Variants in CHD4 observed in about 807,000 individuals in gnomAD.
The protein encoded by CHD4 is chromodomain helicase DNA binding protein 4.
A neutral mutation model predicts 235.5 loss-of-function variants in CHD4; 35 were observed. That is an observed-to-expected ratio of 0.15 (90% CI 0.11 to 0.20). The LOEUF is 0.20. Among genes scored for constraint, CHD4 ranks in the 10% least tolerant of loss-of-function variants. The pLI, the probability that CHD4 is intolerant of heterozygous loss-of-function variation, is 1.00. For synonymous variants in CHD4, 900 were observed against 850.2 expected (o/e 1.06, Z -1.02); for missense variants, 1,329 against 2,432.3 (o/e 0.55, Z 9.54).
chr12:6,587,998 A>G (rs764425345), intron 23 of CHD4, 49 bp from the exon 24 acceptor site: 60 of 1,539,978 alleles, frequency 3.9e-5, no homozygotes, highest in Non-Finnish European at 4.8e-5. Flanking sequence ...TCCTGGTGCC[A>G]CTCTTATCCT....
Position 6,577,876 on chromosome 12 carries a change from C to T in CHD4, c.5270G>A (p.Arg1757His), listed in dbSNP as rs761984548. 18 of 1,614,058 alleles carry T rather than the reference C, an allele frequency of 1.1e-5. No homozygotes were observed. The highest frequency in any genetic ancestry group is 1.4e-5 in the Non-Finnish European group (17 of 1,180,044). Residue 1757 changes from arginine to histidine, a missense_variant, in exon 37 of 40, where the codon CGC (arginine) becomes CAC (histidine). Transcript: ENST00000544040. ...ARWQDIQNDP[R>H]YAILNEPFKG... ...GAAAGGCTCATTGAGGATGGCATAG[C>T]GTGGGTCATTCTGGATGTCTTGCCA...
chr12:6,591,785 G>A lies in CHD4; in HGVS notation c.3131C>T (p.Ala1044Val). 1 of 1,614,192 alleles carries A rather than the reference G, an allele frequency of 6.2e-7. No individual in the cohort carries two copies. The highest frequency in any genetic ancestry group is 8.5e-7 in the Non-Finnish European group (1 of 1,180,050). The change falls in exon 21 of 40, where the codon GCC becomes GTC. Residue 1044 changes from alanine to valine, a missense_variant. Physicochemically the swap from Ala to Val is moderately conservative, Grantham distance 64 (BLOSUM62 0). Transcript: ENST00000544040. ...TAATTTCCCAGATGCTCTGATTAGG[G>A]CACTGCCATCATACATGCCATTAGG... is the stretch of plus-strand genomic sequence containing the variant. Reference protein sequence around the residue: ...KMPNGMYDGSALIRASGKLLL... With the variant: ...KMPNGMYDGSVLIRASGKLLL...
In CHD4 at chr12:6,582,835, G is replaced by C. The variant is rs752786970; in HGVS notation, c.4236+13C>G. The C allele has an allele frequency of 4.3e-6, 7 of 1,613,840 alleles. No individual in the cohort carries two copies. The Admixed American group carries it at 1.2e-4, about 27-fold the overall frequency. ...CTGACACTCACCCCTCCTTAGAATC[G>C]TATGGCACTTACTTCAATATTCCCA... On this transcript the variant is annotated intron_variant, in intron 28 of 39. Coordinates refer to ENST00000544040, the MANE Select transcript of CHD4 (RefSeq NM_001273.5).
intron 2 of CHD4, 33 bp from the exon 3 acceptor site, chr12:6,602,530 G>A (rs762883120): frequency 3.1e-6 from 5 of 1,606,382 alleles, no homozygotes; most frequent in Middle Eastern, 3.3e-4. Flanking sequence ...GGTAGGCAGG[G>A]AAAAGATCAA....
At position 6,583,083 on chromosome 12, in the gene CHD4, G is replaced by C; in HGVS notation, c.4091C>G (p.Ser1364Cys). The C allele has an allele frequency of 6.3e-7, 1 of 1,581,418 alleles. No homozygotes were observed. The highest frequency in any genetic ancestry group is 8.6e-7 in the Non-Finnish European group (1 of 1,163,622). Residue 1364 changes from serine to cysteine, a missense_variant, in exon 27 of 40, where the codon TCC (serine) becomes TGC (cysteine). Physicochemically the swap from Ser to Cys is moderately radical, Grantham distance 112. Around this residue, in one of 26 missense-constraint regions of CHD4, gnomAD observed 46 missense variants for 85.6 expected, o/e 0.54. Transcript: ENST00000544040. ...DWQDDQSDNQSDYSVASEEGD... is the reference protein window; with the variant it reads ...DWQDDQSDNQCDYSVASEEGD... ...TTCCTCTGAAGCCACTGAGTAATCG[G>C]ACTGGTTGTCGGACTGGTCGTCCTG...
At chr12:6,599,072 A>G in intron 10 of CHD4, among the ~76,000 whole-genome samples, 1 of 152,230 alleles carries the variant, frequency 6.6e-6, no homozygotes, top group East Asian at 1.9e-4. Context: ...AACAATCAGG[A>G]AATCAACAGA....
chr12:6,598,499 T>G (rs1948536750), intron 10 of CHD4, 74 bp from the exon 11 acceptor site: 15 of 1,237,802 alleles, frequency 1.2e-5, no homozygotes, highest in Non-Finnish European at 1.5e-5. Context: ...AGTCTCAACT[T>G]CATCAAAGGA....
intron 38 of CHD4, chr12:6,571,357 C>T: frequency 7.2e-6 from 2 of 276,734 alleles, no homozygotes; most frequent in Non-Finnish European, 1.4e-5. Flanking sequence ...GCATTCTTTT[C>T]CTTATTTCAC....
In CHD4 at chr12:6,591,778, G is replaced by A. The variant is rs1948405726; in HGVS notation, c.3138C>T (p.Ile1046=). 1.9e-6 allele frequency: 3 copies of A among 1,614,190 alleles called. No homozygotes were observed. Among genetic ancestry groups the A allele is most frequent in the Non-Finnish European group, 1.7e-6 (2 of 1,180,040 alleles). ...PNGMYDGSAL[I]RASGKLLLLQ... ...GCAGCAATAATTTCCCAGATGCTCT[G>A]ATTAGGGCACTGCCATCATACATGC... The change falls in exon 21 of 40, where the codon ATC becomes ATT. Residue 1046 remains isoleucine (I), a synonymous_variant. Coordinates refer to ENST00000544040, the MANE Select transcript of CHD4 (RefSeq NM_001273.5).
At position 6,606,419 on chromosome 12, in the gene CHD4, G is replaced by A. The variant is rs769326957; in HGVS notation, c.-46C>T. 14 of 1,386,776 alleles carry A rather than the reference G, an allele frequency of 1.0e-5. No homozygotes were observed. Among genetic ancestry groups the A allele is most frequent in the Admixed American group, 2.1e-5 (1 of 46,590 alleles). 85.9% of individuals were successfully genotyped at this position (1,386,776 alleles called of 1,614,324 possible). Reference sequence around the variant, plus strand: ...GGAATTGGCCCAGCTGCTCCTGCCGGCGGCCTGAGGACCTCTACACTGGCC... The same window carrying A: ...GGAATTGGCCCAGCTGCTCCTGCCGACGGCCTGAGGACCTCTACACTGGCC... On this transcript the variant is annotated 5_prime_UTR_variant, in exon 2 of 40. Coordinates refer to ENST00000544040, the MANE Select transcript of CHD4 (RefSeq NM_001273.5).
At position 6,596,486 on chromosome 12, in the gene CHD4, T is replaced by TAAA. The variant is rs765949049; in HGVS notation, c.1893-352_1893-350dup. On this transcript the variant is annotated intron_variant, in intron 12 of 39. Coordinates refer to ENST00000544040, the MANE Select transcript of CHD4 (RefSeq NM_001273.5). ...CCAACATGGCGAAACCCGTCTCTAC[T>TAAA]AAAAAAAAAAAAAAAAATTAGCCAG... Among the ~76,000 whole-genome samples, 847 of 109,302 alleles carry TAAA rather than the reference T, an allele frequency of 7.7e-3. 4 individuals are homozygous for TAAA. Among genetic ancestry groups the TAAA allele is most frequent in the Non-Finnish European group, 0.013 (677 of 52,888 alleles). The allele number at this position is 109,302 out of a possible 152,430, so 71.7% of individuals were successfully genotyped here. A position where few individuals can be genotyped will look rare whatever the true frequency, so the allele number is the denominator to read the frequency against.
In CHD4 at chr12:6,602,107, T is replaced by C. The variant is rs773723495; in HGVS notation, c.291A>G (p.Glu97=). 1.2e-5 allele frequency: 19 copies of C among 1,613,488 alleles called. No homozygotes were observed. In the Middle Eastern group the frequency reaches 4.9e-4, roughly 42 times the overall value. The change falls in exon 4 of 40, where the codon GAA becomes GAG. Residue 97 remains glutamate (E), a synonymous_variant. Coordinates refer to ENST00000544040, the MANE Select transcript of CHD4 (RefSeq NM_001273.5). ...GEGPEFVEEE[E]EVALRSDSEG... ...CACTGTCTGAGCGCAGAGCCACCTC[T>C]TCCTCCTCCTCCACAAACTCTGGCC...
Position 6,570,352 on chromosome 12 carries a change from A to T in CHD4, c.*324T>A. On this transcript the variant is annotated 3_prime_UTR_variant, in exon 40 of 40. Coordinates refer to ENST00000544040, the MANE Select transcript of CHD4 (RefSeq NM_001273.5). The stretch of plus-strand genomic sequence containing the variant: ...TAAAACCAAAAGGAGGAAAAAATTC[A>T]GATCATTTTCTTCAAGCCTGGCAGG... 2.7e-6 allele frequency: 1 copy of T among 365,962 alleles called. No homozygotes were observed. Among genetic ancestry groups the T allele is most frequent in the South Asian group, 7.2e-5 (1 of 13,906 alleles). 22.7% of individuals were successfully genotyped at this position (365,962 alleles called of 1,614,324 possible). A position where few individuals can be genotyped will look rare whatever the true frequency, so the allele number is the denominator to read the frequency against.
At chr12:6,585,915 T>C (rs1340703421) in intron 25 of CHD4, among the ~76,000 whole-genome samples, 2 of 149,932 alleles carry the variant, frequency 1.3e-5, no homozygotes, top group East Asian at 2.0e-4. Flanking sequence ...CTGGCCAACA[T>C]GGTGAAACCC....
At chr12:6,576,996 G>A (rs1948083072) in intron 37 of CHD4, among the ~76,000 whole-genome samples, 1 of 151,804 alleles carries the variant, frequency 6.6e-6, no homozygotes, top group Admixed American at 6.6e-5. Context: ...GAGTGCCGTA[G>A]CACGATCTCA....
At chr12:6,581,460 T>C (rs2136201547) in intron 31 of CHD4, 72 bp from the exon 32 acceptor site, 2 of 1,552,392 alleles carry the variant, frequency 1.3e-6, no homozygotes, top group Non-Finnish European at 1.8e-6. Context: ...TCTTCCCAGT[T>C]TGTCTCATCT....
intron 14 of CHD4, 40 bp downstream of exon 14, chr12:6,595,294 T>C (rs1295823110): frequency 3.3e-6 from 5 of 1,520,846 alleles, no homozygotes; most frequent in Admixed American, 1.7e-5. Context: ...AGATACATTG[T>C]CCTACCCAAC....
Position 6,591,550 on chromosome 12 carries a change from A to T in CHD4, c.3256T>A (p.Leu1086Met). Residue 1086 changes from leucine (L) to methionine (M), a missense_variant, in exon 22 of 40, where the codon TTG (leucine) becomes ATG (methionine). By Grantham distance (15) the Leu-to-Met change is conservative. Coordinates refer to ENST00000544040, the MANE Select transcript of CHD4 (RefSeq NM_001273.5). ...TKMLDLLEDF[L>M]EHEGYKYERI... ...TCGTATTTATAACCTTCATGTTCCA[A>T]GAAATCCTCTAGCAGGTCTAGCATC... 6.2e-7 allele frequency: 1 copy of T among 1,614,246 alleles called. No individual in the cohort carries two copies. Among genetic ancestry groups the T allele is most frequent in the Non-Finnish European group, 8.5e-7 (1 of 1,180,030 alleles).
At chr12:6,605,048 C>T (rs1025312215) in intron 2 of CHD4, among the ~76,000 whole-genome samples, 4 of 152,182 alleles carry the variant, frequency 2.6e-5, no homozygotes, top group African/African-American at 9.7e-5. Context: ...ATCCCAACAG[C>T]CCAGACTCCA....
Sources: gnomAD v4.1 joint callset for allele counts (sites outside exome capture counted in the v4.1 genomes callset) on GRCh38, gnomAD v4.1.1 for gene constraint, gnomAD v4.1.1 regional missense constraint, MANE v1.5 for transcripts, NCBI Gene and HGNC (gene_info 2026-07-23, HGNC 2026-07-21) for gene names.